Variants in STPG2 observed in about 807,000 individuals in gnomAD.
The protein encoded by STPG2 is sperm-tail PG-rich repeat-containing protein 2.
A neutral mutation model predicts 54.2 loss-of-function variants in STPG2; 56 were observed. The ratio of observed to expected loss-of-function variants is 1.03; its 90% CI spans 0.83 to 1.29. The LOEUF (loss-of-function observed/expected upper bound fraction) is 1.29, where lower values mean the gene tolerates loss of function less well. Ranked by LOEUF, STPG2 falls within the 50% of genes most tolerant of loss-of-function variation. STPG2 has a pLI of 0.00. For missense variants in STPG2, 596 were observed against 544.9 expected (o/e 1.09, Z -0.93); for synonymous variants, 200 against 181.8 (o/e 1.10, Z -0.81).
intron 9 of STPG2, among the ~76,000 whole-genome samples, chr4:97,746,721 T>C (rs1203423049): frequency 1.3e-5 from 2 of 151,284 alleles, no homozygotes; most frequent in Non-Finnish European, 3.0e-5. Context: ...GCACTGTTGC[T>C]GTTAAATAAC....
chr4:97,667,250 A>G lies in STPG2; in HGVS notation c.1320+45449T>C, dbSNP rs185106709. On this transcript the variant is annotated intron_variant, in intron 10 of 10. Transcript: ENST00000295268. Reference sequence around the variant, plus strand: ...CACGACAATATGTAATAGGGCTTCAATTTAATTCAGTGTATTTCAATAACT... The same window carrying G: ...CACGACAATATGTAATAGGGCTTCAGTTTAATTCAGTGTATTTCAATAACT... 5.3e-5 allele frequency among the ~76,000 whole-genome samples: 8 copies of G among 152,380 alleles called. No individual in the cohort carries two copies. The East Asian group carries it at 1.5e-3, about 29-fold the overall frequency.
chr4:98,108,903 ATAGC>A (rs1739266091), intron 4 of STPG2, among the ~76,000 whole-genome samples: 1 of 152,152 alleles, frequency 6.6e-6, no homozygotes, highest in African/African-American at 2.4e-5. Flanking sequence ...TAGGGGAGAG[ATAGC>A]ATTAGGAGAA....
chr4:97,610,311 C>CA (rs1435104729), intron 10 of STPG2, among the ~76,000 whole-genome samples: 1 of 151,992 alleles, frequency 6.6e-6, no homozygotes, highest in Non-Finnish European at 1.5e-5. Flanking sequence ...ATTCTTACCT[C>CA]AGAGACATGG....
intron 9 of STPG2, among the ~76,000 whole-genome samples, chr4:97,831,105 T>C (rs1225570365): frequency 6.6e-6 from 1 of 152,124 alleles, no homozygotes; most frequent in Admixed American, 6.5e-5. Context: ...TATTCTAAAA[T>C]TGACCACATA....
chr4:97,606,796 C>G (rs1489804767), intron 10 of STPG2, among the ~76,000 whole-genome samples: 1 of 151,854 alleles, frequency 6.6e-6, no homozygotes, highest in African/African-American at 2.4e-5. Context: ...TTCCATTTTA[C>G]CATCTTTCTT....
intron 5 of STPG2, among the ~76,000 whole-genome samples, chr4:98,059,837 G>C (rs1402784639): frequency 6.6e-6 from 1 of 152,042 alleles, no homozygotes; most frequent in Non-Finnish European, 1.5e-5. Context: ...AATAGATACA[G>C]AAAAGGCTTT....
At chr4:97,722,070 T>TC (rs1428719575) in intron 9 of STPG2, among the ~76,000 whole-genome samples, 1 of 151,754 alleles carries the variant, frequency 6.6e-6, no homozygotes, top group African/African-American at 2.4e-5. Flanking sequence ...TCCTTTTTTT[T>TC]TCTTTTTAAC....
intron 8 of STPG2, among the ~76,000 whole-genome samples, chr4:97,934,216 T>C (rs1732660325): frequency 6.6e-6 from 1 of 152,216 alleles, no homozygotes; most frequent in Non-Finnish European, 1.5e-5. Context: ...TGATTTTGTA[T>C]CCTGAGACTT....
At chr4:97,730,989 C>T (rs189012292) in intron 9 of STPG2, among the ~76,000 whole-genome samples, 110 of 152,102 alleles carry the variant, frequency 7.2e-4, no homozygotes, top group East Asian at 5.8e-4. Flanking sequence ...ATTTGAATTC[C>T]GTATTTGTCA....
At chr4:98,073,043 G>A (rs1021025394) in intron 5 of STPG2, among the ~76,000 whole-genome samples, 13 of 152,084 alleles carry the variant, frequency 8.5e-5, no homozygotes, top group Admixed American at 7.9e-4. Context: ...TGAAAAACGT[G>A]GTGGTTATCA....
intron 10 of STPG2, among the ~76,000 whole-genome samples, chr4:97,588,776 A>G (rs983599312): frequency 6.6e-6 from 1 of 152,148 alleles, no homozygotes; most frequent in Non-Finnish European, 1.5e-5. Context: ...ATTTTAAAAG[A>G]TATCTTTTGC....
chr4:97,709,889 TA>T (rs1446896175), intron 10 of STPG2, among the ~76,000 whole-genome samples: 1 of 151,922 alleles, frequency 6.6e-6, no homozygotes, highest in Non-Finnish European at 1.5e-5. Context: ...TATGTCTAGA[TA>T]AAAATTAGTG....
Position 98,143,224 on chromosome 4 carries a change from G to T in STPG2, c.-74C>A. ...ATAAAAACAAGGTAGCTAGAAGTGTGGAGAAAAAGGAAGCCGACACCAGTC... is the reference window on the plus strand; with the variant it reads ...ATAAAAACAAGGTAGCTAGAAGTGTTGAGAAAAAGGAAGCCGACACCAGTC... On this transcript the variant is annotated 5_prime_UTR_variant, in exon 1 of 11. Transcript: ENST00000295268. The T allele has an allele frequency of 8.5e-7, 1 of 1,175,098 alleles. No individual in the cohort carries two copies. Among genetic ancestry groups the T allele is most frequent in the Non-Finnish European group, 1.2e-6 (1 of 821,952 alleles). The allele number at this position is 1,175,098 out of a possible 1,614,324, so 72.8% of individuals were successfully genotyped here.
chr4:97,800,491 A>G lies in STPG2; in HGVS notation c.1204+40282T>C, dbSNP rs557354497. ...GGGTATCAGCAGTGGAGGCTGCAGA[A>G]TAGCGAATATTGCTGAACAGCAAAT... On this transcript the variant is annotated intron_variant, in intron 9 of 10. Transcript: ENST00000295268. 1.4e-4 allele frequency among the ~76,000 whole-genome samples: 22 copies of G among 152,346 alleles called. No individual in the cohort carries two copies. In the South Asian group the frequency reaches 4.6e-3, roughly 32 times the overall value.
intron 10 of STPG2, among the ~76,000 whole-genome samples, chr4:97,627,199 G>A (rs968409459): frequency 6.6e-6 from 1 of 151,940 alleles, no homozygotes; most frequent in Non-Finnish European, 1.5e-5. Context: ...ACAGATATCT[G>A]GTAAATTGAA....
intron 10 of STPG2, among the ~76,000 whole-genome samples, chr4:97,684,183 T>C (rs1047096437): frequency 3.3e-5 from 5 of 151,932 alleles, no homozygotes; most frequent in African/African-American, 9.7e-5. Context: ...ATTTGATCTA[T>C]AGATACAATG....
chr4:97,922,113 G>C (rs562023059), intron 8 of STPG2, among the ~76,000 whole-genome samples: 2 of 152,178 alleles, frequency 1.3e-5, no homozygotes, highest in Non-Finnish European at 2.9e-5. Flanking sequence ...GATGACTGAA[G>C]TTAATAATAA....
At chr4:97,632,442 A>G (rs556809443) in intron 10 of STPG2, among the ~76,000 whole-genome samples, 26 of 152,264 alleles carry the variant, frequency 1.7e-4, no homozygotes, top group African/African-American at 6.0e-4. Flanking sequence ...ATCAATTAGT[A>G]TCACTATTTA....
At chr4:97,636,665 C>T (rs1721545949) in intron 10 of STPG2, among the ~76,000 whole-genome samples, 1 of 151,762 alleles carries the variant, frequency 6.6e-6, no homozygotes, top group Non-Finnish European at 1.5e-5. Context: ...GGGATATTAC[C>T]ACCAATCCCA....
Sources: gnomAD v4.1 joint callset for allele counts (sites outside exome capture counted in the v4.1 genomes callset) on GRCh38, gnomAD v4.1.1 for gene constraint, MANE v1.5 for transcripts, NCBI Gene and HGNC (gene_info 2026-07-23, HGNC 2026-07-21) for gene names.